LRRC7: variants seen among roughly 807,000 people sequenced by gnomAD.
LRRC7 encodes the protein leucine-rich repeat-containing protein 7.
In LRRC7, 23 loss-of-function variants were observed where a neutral mutation model predicts 175.7. That is an observed-to-expected ratio of 0.13 (90% confidence interval 0.09 to 0.19). The LOEUF is 0.19. Ranked by LOEUF, LRRC7 falls within the 10% of genes least tolerant of loss-of-function variation. LRRC7 has a pLI of 1.00. For missense variants in LRRC7, 1,354 were observed against 1,904.7 expected (o/e 0.71, Z 5.38); for synonymous variants, 685 against 680.9 (o/e 1.01, Z -0.09).
chr1:69,762,206 C>T (rs910323677), intron 3 of LRRC7, among the ~76,000 whole-genome samples: 1 of 151,932 alleles, frequency 6.6e-6, no homozygotes. Context: ...TTCTATGCAA[C>T]AAATTTTGTA....
chr1:69,593,372 A>T (rs924248770), intron 1 of LRRC7, among the ~76,000 whole-genome samples: 4 of 152,022 alleles, frequency 2.6e-5, no homozygotes, highest in African/African-American at 9.6e-5. Context: ...TATTTTTTTT[A>T]TTGTTTTTAT....
Position 69,630,574 on chromosome 1 carries a change from T to A in LRRC7, c.3-47807T>A, listed in dbSNP as rs532920913. 5.5e-4 allele frequency among the ~76,000 whole-genome samples: 83 copies of A among 152,160 alleles called. 1 individual carries two copies. Among genetic ancestry groups the A allele is most frequent in the South Asian group, 4.1e-3 (20 of 4,828 alleles). On this transcript the variant is annotated intron_variant, in intron 1 of 26. Transcript: ENST00000651989. Reference sequence around the variant, plus strand: ...AAAATCTGAAATTTTCTGTCAATCATTTTTAATTGTACATGCTTTTGATTA... The same window carrying A: ...AAAATCTGAAATTTTCTGTCAATCAATTTTAATTGTACATGCTTTTGATTA...
At chr1:69,711,927 G>T (rs982958520) in intron 2 of LRRC7, among the ~76,000 whole-genome samples, 1 of 152,140 alleles carries the variant, frequency 6.6e-6, no homozygotes, top group African/African-American at 2.4e-5. Flanking sequence ...GGAAGTATAT[G>T]CTGGTGAGAA....
chr1:69,723,902 C>T (rs1362275244), intron 2 of LRRC7, among the ~76,000 whole-genome samples: 1 of 151,094 alleles, frequency 6.6e-6, no homozygotes, highest in Non-Finnish European at 1.5e-5. Flanking sequence ...AATTCAATAT[C>T]TCCCAAAGGC....
chr1:69,945,279 G>A (rs1649188653), intron 8 of LRRC7, among the ~76,000 whole-genome samples: 1 of 152,028 alleles, frequency 6.6e-6, no homozygotes, highest in African/African-American at 2.4e-5. Flanking sequence ...TTGTGGTGCT[G>A]TTGACACCTT....
At chr1:69,864,377 G>T (rs1557826405) in intron 7 of LRRC7, among the ~76,000 whole-genome samples, 2 of 152,090 alleles carry the variant, frequency 1.3e-5, no homozygotes, top group Non-Finnish European at 2.9e-5. Context: ...GAATTTGCTT[G>T]ATAAAACTAA....
intron 7 of LRRC7, among the ~76,000 whole-genome samples, chr1:69,916,068 A>ATATATATAATATATATTATATACATATTT (rs1646682488): frequency 5.3e-5 from 6 of 112,958 alleles, no homozygotes; most frequent in African/African-American, 2.1e-4. Flanking sequence ...TGTATATTTT[A>ATATATATAATATATATTATATACATATTT]TATATATAAT....
At chr1:69,754,297 C>G (rs1311442602) in intron 2 of LRRC7, among the ~76,000 whole-genome samples, 1 of 151,986 alleles carries the variant, frequency 6.6e-6, no homozygotes, top group Non-Finnish European at 1.5e-5. Flanking sequence ...GGAATAAATG[C>G]AAGAGATGAT....
intron 6 of LRRC7, among the ~76,000 whole-genome samples, chr1:69,837,364 A>G (rs1681236556): frequency 1.3e-5 from 2 of 151,958 alleles, no homozygotes; most frequent in Non-Finnish European, 1.5e-5. Flanking sequence ...AACTTGTGAT[A>G]TACCAGAAAT....
intron 26 of LRRC7, among the ~76,000 whole-genome samples, chr1:70,117,547 C>T (rs1047494955): frequency 6.6e-6 from 1 of 152,156 alleles, no homozygotes; most frequent in East Asian, 1.9e-4. Flanking sequence ...AATTAAAAAA[C>T]ATTTTGTGGC....
chr1:69,748,570 C>CA (rs1242261819), intron 2 of LRRC7, among the ~76,000 whole-genome samples: 1 of 152,132 alleles, frequency 6.6e-6, no homozygotes, highest in Non-Finnish European at 1.5e-5. Context: ...TTGATTAAAA[C>CA]ACATTTAAAA....
At position 70,130,453 on chromosome 1, in the gene LRRC7, A is replaced by G. The variant is rs1666617546; in HGVS notation, c.*8566A>G. Among the ~76,000 whole-genome samples, 1 of 152,140 alleles carries G rather than the reference A, an allele frequency of 6.6e-6. No individual in the cohort carries two copies. Among genetic ancestry groups the G allele is most frequent in the South Asian group, 2.1e-4 (1 of 4,830 alleles). On this transcript the variant is annotated 3_prime_UTR_variant, in exon 27 of 27. Coordinates refer to ENST00000651989, the MANE Select transcript of LRRC7 (RefSeq NM_001370785.2). ...TGTAACCTTAAACTACCAACCTTTC[A>G]TCTTCTCAGTTGACTCAAAATTCCC...
At chr1:69,865,644 C>A (rs1267033730) in intron 7 of LRRC7, among the ~76,000 whole-genome samples, 1 of 151,538 alleles carries the variant, frequency 6.6e-6, no homozygotes, top group Admixed American at 6.6e-5. Context: ...CCATGCCCAA[C>A]TAATTTTTTG....
In LRRC7 at chr1:70,005,642, TA is replaced by T. The variant is rs200043445; in HGVS notation, c.1005-6154del. 1.2e-3 allele frequency among the ~76,000 whole-genome samples: 176 copies of T among 152,318 alleles called. 2 individuals are homozygous for T. The East Asian group carries it at 0.024, about 21-fold the overall frequency. ...CATGACCTAAACACAACTATTGTAA[TA>T]TTTATATGTAGTTTAGCATTTATTG... is the stretch of plus-strand genomic sequence containing the variant. On this transcript the variant is annotated intron_variant, in intron 11 of 26. Transcript: ENST00000651989.
chr1:70,049,541 A>G (rs1660592245), intron 22 of LRRC7, among the ~76,000 whole-genome samples: 1 of 152,128 alleles, frequency 6.6e-6, no homozygotes, highest in Non-Finnish European at 1.5e-5. Flanking sequence ...AGATTCACTT[A>G]CCTTTCTAAT....
At chr1:69,601,046 C>T (rs925524646) in intron 1 of LRRC7, among the ~76,000 whole-genome samples, 31 of 152,004 alleles carry the variant, frequency 2.0e-4, no homozygotes, top group African/African-American at 7.5e-4. Context: ...GAACTTCTGA[C>T]CTCAGGTGAT....
chr1:70,084,281 G>T (rs577064681), intron 24 of LRRC7, among the ~76,000 whole-genome samples: 1 of 151,602 alleles, frequency 6.6e-6, no homozygotes, highest in African/African-American at 2.4e-5. Flanking sequence ...CATTTTCATC[G>T]TTCAAAAAAA....
chr1:69,974,254 A>T (rs1383772398), intron 8 of LRRC7, among the ~76,000 whole-genome samples: 1 of 152,110 alleles, frequency 6.6e-6, no homozygotes, highest in Non-Finnish European at 1.5e-5. Flanking sequence ...CATTTACCTT[A>T]TACTGTTGTT....
At chr1:69,642,037 C>T (rs1654290662) in intron 1 of LRRC7, among the ~76,000 whole-genome samples, 1 of 151,880 alleles carries the variant, frequency 6.6e-6, no homozygotes, top group African/African-American at 2.4e-5. Context: ...AACCATTTAA[C>T]TGATGCTTAA....
Sources: gnomAD v4.1 joint callset for allele counts (sites outside exome capture counted in the v4.1 genomes callset) on GRCh38, gnomAD v4.1.1 for gene constraint, MANE v1.5 for transcripts, NCBI Gene and HGNC (gene_info 2026-07-23, HGNC 2026-07-21) for gene names.